CPED1: variants seen among roughly 807,000 people sequenced by gnomAD.
The protein encoded by CPED1 is cadherin-like and PC-esterase domain-containing protein 1.
CPED1 carries 114 observed loss-of-function variants against 128.2 expected under a neutral mutation model. The ratio of observed to expected loss-of-function variants is 0.89; its 90% CI spans 0.76 to 1.04. The LOEUF is 1.04. Ranked by LOEUF, CPED1 falls within the 50% of genes least tolerant of loss-of-function variation. The pLI is 0.00. For synonymous variants in CPED1, 462 were observed against 426.7 expected (o/e 1.08, Z -1.02); for missense variants, 1,211 against 1,207.1 (o/e 1.00, Z -0.05).
At chr7:121,160,897 C>T (rs767232324) in intron 16 of CPED1, among the ~76,000 whole-genome samples, 1 of 152,150 alleles carries the variant, frequency 6.6e-6, no homozygotes, top group Non-Finnish European at 1.5e-5. Flanking sequence ...ACTGCCTCAA[C>T]ATCATGGCTT....
intron 16 of CPED1, among the ~76,000 whole-genome samples, chr7:121,235,607 A>G (rs981884951): frequency 5.9e-5 from 9 of 152,170 alleles, no homozygotes; most frequent in African/African-American, 2.2e-4. Context: ...GAGGGACACA[A>G]TAAAGTCTAA....
rs149239053 is a variant in CPED1, at chr7:121,230,056, C to T, written c.2056-6658C>T. The stretch of plus-strand genomic sequence containing the variant: ...CAACAAAGGGAGTTTAAAACTTTTG[C>T]ATTTCAGGAAGATGACGTTAGCAAC... On this transcript the variant is annotated intron_variant, in intron 16 of 22. Transcript: ENST00000310396. Among the ~76,000 whole-genome samples, 235 of 152,114 alleles carry T rather than the reference C, an allele frequency of 1.5e-3. 1 individual carries two copies. Among genetic ancestry groups the T allele is most frequent in the Middle Eastern group, 0.01 (3 of 294 alleles).
chr7:121,011,000 C>T (rs149456456), intron 2 of CPED1, among the ~76,000 whole-genome samples: 1 of 152,068 alleles, frequency 6.6e-6, no homozygotes, highest in African/African-American at 2.4e-5. Flanking sequence ...GTATTTTATT[C>T]TTACAGTGCA....
At chr7:121,256,135 AAAAAAAC>A (rs1791866109) in intron 18 of CPED1, among the ~76,000 whole-genome samples, 1 of 148,882 alleles carries the variant, frequency 6.7e-6, no homozygotes, top group African/African-American at 2.5e-5. Context: ...AAAACAAAAA[AAAAAAAC>A]AAAGCTTATG....
intron 3 of CPED1, among the ~76,000 whole-genome samples, chr7:121,041,761 T>C (rs1793059103): frequency 6.6e-6 from 1 of 152,206 alleles, no homozygotes. Context: ...CTCTTACTTT[T>C]AACATGAACA....
chr7:121,297,349 G>A lies in CPED1; in HGVS notation c.*1697G>A, dbSNP rs1465623448. 1 of 151,974 alleles carries A rather than the reference G, an allele frequency of 6.6e-6. No homozygotes were observed. The highest frequency in any genetic ancestry group is 2.4e-5 in the African/African-American group (1 of 41,408). 9.4% of individuals were successfully genotyped at this position (151,974 alleles called of 1,614,324 possible). ...TAGACCTAACTGTTACCATCTGACT[G>A]AGGTTACTCTGGTATTTATCTCTTC... On this transcript the variant is annotated 3_prime_UTR_variant, in exon 23 of 23. Coordinates refer to ENST00000310396, the MANE Select transcript of CPED1 (RefSeq NM_024913.5).
Position 120,996,123 on chromosome 7 carries a change from T to TA in CPED1, c.249+6262dup, listed in dbSNP as rs35426172. ...GGGAGAGCCTATCTCCACAAAAAGT[T>TA]AAAAAAAAATTAGCTGGGATTGATG... On this transcript the variant is annotated intron_variant, in intron 2 of 22. Coordinates refer to ENST00000310396, the MANE Select transcript of CPED1 (RefSeq NM_024913.5). Among the ~76,000 whole-genome samples, 77 of 150,748 alleles carry TA rather than the reference T, an allele frequency of 5.1e-4. 1 individual carries two copies. Among genetic ancestry groups the TA allele is most frequent in the African/African-American group, 1.7e-3 (71 of 40,946 alleles).
chr7:121,034,489 G>T (rs1792833325), intron 3 of CPED1, among the ~76,000 whole-genome samples: 1 of 151,914 alleles, frequency 6.6e-6, no homozygotes, highest in Admixed American at 6.6e-5. Flanking sequence ...CTCGTGATCT[G>T]CCCGCCTCTG....
rs555050242 is a variant in CPED1, at chr7:121,112,995, G to T, written c.919-11336G>T. 1.2e-4 allele frequency among the ~76,000 whole-genome samples: 19 copies of T among 152,190 alleles called. No individual in the cohort carries two copies. The South Asian group carries it at 3.9e-3, about 32-fold the overall frequency. ...CGAGTATCTTGACTGATGACTTCTC[G>T]ACTAAAAGAGAAGTAAGTTTATAAT... On this transcript the variant is annotated intron_variant, in intron 7 of 22. Coordinates refer to ENST00000310396, the MANE Select transcript of CPED1 (RefSeq NM_024913.5).
At chr7:121,151,538 TA>T (rs1211818310) in intron 16 of CPED1, among the ~76,000 whole-genome samples, 1 of 152,224 alleles carries the variant, frequency 6.6e-6, no homozygotes, top group African/African-American at 2.4e-5. Context: ...CAATGATCTG[TA>T]TTAGCACAAA....
Position 121,128,462 on chromosome 7 carries a change from T to C in CPED1, c.1383T>C (p.Leu461=), listed in dbSNP as rs749273441. Reference sequence around the variant, plus strand: ...CAATTATGACTTTCATAAAGGAACTTGGAAGTCTGGGACAATTCCAACTGG... The same window carrying C: ...CAATTATGACTTTCATAAAGGAACTCGGAAGTCTGGGACAATTCCAACTGG... The part of the protein sequence containing the change: ...INSIMTFIKE[L]GSLGQFQLLF... Residue 461 remains leucine, a synonymous_variant, in exon 11 of 23, where the codon CTT becomes CTC. Coordinates refer to ENST00000310396, the MANE Select transcript of CPED1 (RefSeq NM_024913.5). The C allele has an allele frequency of 2.5e-6, 4 of 1,591,660 alleles. No individual in the cohort carries two copies. In the East Asian group the frequency reaches 6.7e-5, roughly 27 times the overall value.
chr7:121,215,234 T>G (rs2116606109), intron 16 of CPED1, among the ~76,000 whole-genome samples: 1 of 152,116 alleles, frequency 6.6e-6, no homozygotes, highest in South Asian at 2.1e-4. Context: ...GATGTGTCAG[T>G]TGCACTCATA....
intron 16 of CPED1, among the ~76,000 whole-genome samples, chr7:121,202,129 C>T (rs1209069939): frequency 1.3e-5 from 2 of 152,144 alleles, no homozygotes; most frequent in Non-Finnish European, 1.5e-5. Context: ...ATCTCCAGAA[C>T]ATTACCTCTG....
intron 18 of CPED1, among the ~76,000 whole-genome samples, chr7:121,253,493 C>T (rs1798736422): frequency 6.6e-6 from 1 of 151,792 alleles, no homozygotes; most frequent in Non-Finnish European, 1.5e-5. Context: ...GAACATAGCT[C>T]ACTGGCACTG....
intron 2 of CPED1, among the ~76,000 whole-genome samples, chr7:121,014,082 G>A (rs915627615): frequency 6.6e-6 from 1 of 152,162 alleles, no homozygotes. Flanking sequence ...ATTGAGAGTT[G>A]ATTTGGAATT....
At chr7:121,233,872 G>C (rs1798191996) in intron 16 of CPED1, among the ~76,000 whole-genome samples, 1 of 152,002 alleles carries the variant, frequency 6.6e-6, no homozygotes, top group Non-Finnish European at 1.5e-5. Flanking sequence ...TAGCTCCACA[G>C]CATCACCAAT....
At chr7:121,170,245 C>T (rs968189591) in intron 16 of CPED1, among the ~76,000 whole-genome samples, 3 of 152,198 alleles carry the variant, frequency 2.0e-5, no homozygotes, top group African/African-American at 4.8e-5. Context: ...TGGCATCAGA[C>T]ACATCATCAG....
chr7:121,145,031 A>G (rs532056956), intron 16 of CPED1, among the ~76,000 whole-genome samples: 1 of 150,508 alleles, frequency 6.6e-6, no homozygotes, highest in Non-Finnish European at 1.5e-5. Context: ...GGTTACATAT[A>G]TAACTAGGTG....
At chr7:121,217,135 C>T (rs932911122) in intron 16 of CPED1, among the ~76,000 whole-genome samples, 2 of 151,880 alleles carry the variant, frequency 1.3e-5, no homozygotes, top group Non-Finnish European at 1.5e-5. Flanking sequence ...GATCATAGAT[C>T]ACCTTAGACT....
Sources: allele counts gnomAD v4.1 joint callset (sites outside exome capture counted in the v4.1 genomes callset), GRCh38; gene constraint gnomAD v4.1.1; transcripts MANE v1.5; gene names NCBI Gene and HGNC (gene_info 2026-07-23, HGNC 2026-07-21).